Variants in PPP1R12B observed in about 807,000 individuals in gnomAD.
PPP1R12B encodes the protein protein phosphatase 1 regulatory subunit 12B, also known as myosin phosphatase target subunit 2.
A neutral mutation model predicts 126.1 loss-of-function variants in PPP1R12B; 76 were observed. The observed-to-expected ratio is 0.60, with a 90% CI of 0.50 to 0.73. The LOEUF (loss-of-function observed/expected upper bound fraction) is 0.73, where lower values mean the gene tolerates loss of function less well. Ranked by LOEUF, PPP1R12B falls within the 30% of genes least tolerant of loss-of-function variation. The pLI, the probability that PPP1R12B is intolerant of heterozygous loss-of-function variation, is 0.00. For synonymous variants in PPP1R12B, 356 were observed against 434.7 expected (o/e 0.82, Z 2.25); for missense variants, 1,052 against 1,205.1 (o/e 0.87, Z 1.88).
At chr1:202,356,519 T>C (rs1048764015) in intron 1 of PPP1R12B, among the ~76,000 whole-genome samples, 14 of 152,246 alleles carry the variant, frequency 9.2e-5, no homozygotes, top group Middle Eastern at 6.8e-3. Context: ...TAAAAGAGAC[T>C]TTGGGGATAT....
intron 18 of PPP1R12B, among the ~76,000 whole-genome samples, chr1:202,515,128 A>G (rs1681970967): frequency 2.0e-5 from 3 of 152,150 alleles, no homozygotes; most frequent in Non-Finnish European, 4.4e-5. Flanking sequence ...AACAACAGAC[A>G]CTGGGGTCTA....
At chr1:202,450,297 A>G (rs1461045125) in intron 13 of PPP1R12B, among the ~76,000 whole-genome samples, 1 of 152,248 alleles carries the variant, frequency 6.6e-6, no homozygotes, top group African/African-American at 2.4e-5. Flanking sequence ...TTTAGAGAGA[A>G]GTTATGAGAG....
At chr1:202,471,744 T>C (rs1572176257) in intron 13 of PPP1R12B, 1 of 624,072 alleles carries the variant, frequency 1.6e-6, no homozygotes, top group East Asian at 3.0e-5. Context: ...ATGTATTTTG[T>C]TGATTTTGTT....
rs1679455309 is a variant in PPP1R12B at position 202,495,619 on chromosome 1, C to T, written c.2385C>T (p.Ile795=). 1 of 1,613,978 alleles carries T rather than the reference C, an allele frequency of 6.2e-7. No individual in the cohort carries two copies. Among genetic ancestry groups the T allele is most frequent in the Non-Finnish European group, 8.5e-7 (1 of 1,180,014 alleles). Residue 795 remains isoleucine, a synonymous_variant, in exon 17 of 24, where the codon ATC becomes ATT. Transcript: ENST00000608999. The part of the protein sequence containing the change: ...LDEQSSKRLS[I]RERRRPKERR... ...AGCAGTCCTCTAAGAGGCTGTCCATCCGAGAGAGGAGGCGGCCCAAGGAAC... is the reference window on the plus strand; with the variant it reads ...AGCAGTCCTCTAAGAGGCTGTCCATTCGAGAGAGGAGGCGGCCCAAGGAAC...
At chr1:202,525,612 C>CTTTTTTT (rs71142537) in intron 18 of PPP1R12B, among the ~76,000 whole-genome samples, 1 of 120,304 alleles carries the variant, frequency 8.3e-6, no homozygotes, top group African/African-American at 3.2e-5. Context: ...TTTTTTTTTT[C>CTTTTTTT]TTTTTTTTTT....
chr1:202,575,048 A>G, intron 23 of PPP1R12B: 1 of 1,613,470 alleles, frequency 6.2e-7, no homozygotes, highest in East Asian at 2.2e-5. Context: ...CAGATGAACG[A>G]GCAACTGCAG....
chr1:202,569,193 T>C lies in PPP1R12B; in HGVS notation c.2858T>C (p.Met953Thr), dbSNP rs1399399227. ...AAAATGTCAGAAATGGAGGAAGAAA[T>C]GAAGGTATGAAGAGATTTTCTTTCT... ...ERKMSEMEEEMKVLTELKSDN... is the reference protein window; with the variant it reads ...ERKMSEMEEETKVLTELKSDN... The change falls in exon 23 of 24, where the codon ATG (methionine) becomes ACG (threonine). Residue 953 changes from methionine (M) to threonine (T), a missense_variant. Transcript: ENST00000608999. The C allele has an allele frequency of 6.2e-7, 1 of 1,612,714 alleles. No homozygotes were observed. The highest frequency in any genetic ancestry group is 1.3e-5 in the African/African-American group (1 of 74,856).
At chr1:202,371,305 G>A (rs1247143739) in intron 1 of PPP1R12B, among the ~76,000 whole-genome samples, 15 of 151,780 alleles carry the variant, frequency 9.9e-5, no homozygotes, top group Admixed American at 9.9e-4. Flanking sequence ...ACAGGCGTGA[G>A]CCACTGTGCC....
chr1:202,493,678 A>G (rs976585858), intron 15 of PPP1R12B, among the ~76,000 whole-genome samples: 2 of 152,222 alleles, frequency 1.3e-5, no homozygotes, highest in African/African-American at 4.8e-5. Flanking sequence ...TTGTGTATTA[A>G]TGCATTTAAT....
At chr1:202,376,563 T>A (rs1661203648) in intron 1 of PPP1R12B, among the ~76,000 whole-genome samples, 1 of 152,182 alleles carries the variant, frequency 6.6e-6, no homozygotes, top group African/African-American at 2.4e-5. Flanking sequence ...ACAAACTAAA[T>A]TTTAAAAACA....
intron 21 of PPP1R12B, among the ~76,000 whole-genome samples, chr1:202,566,811 T>C (rs537385702): frequency 6.6e-6 from 1 of 152,244 alleles, no homozygotes; most frequent in African/African-American, 2.4e-5. Flanking sequence ...TAATTTTTTT[T>C]TTAAAAAAAG....
rs3077313 is a variant in PPP1R12B, at chr1:202,446,213, A to ACT, written c.1668-2753_1668-2752dup. Among the ~76,000 whole-genome samples the ACT allele has an allele frequency of 9.2e-3, 591 of 64,200 alleles. 5 individuals are homozygous for ACT. Among genetic ancestry groups the ACT allele is most frequent in the South Asian group, 0.029 (33 of 1,120 alleles). 42.1% of individuals were successfully genotyped at this position (64,200 alleles called of 152,430 possible). On this transcript the variant is annotated intron_variant, in intron 12 of 23. Transcript: ENST00000608999. ...GAGGTTATTATTACTATATTATATT[A>ACT]CTCTCTCTCTCTCTCTCTCTCTCTA... is the stretch of plus-strand genomic sequence containing the variant.
At chr1:202,498,649 G>A (rs1164416498) in intron 18 of PPP1R12B, among the ~76,000 whole-genome samples, 1 of 152,186 alleles carries the variant, frequency 6.6e-6, no homozygotes, top group African/African-American at 2.4e-5. Flanking sequence ...CCTGGTCATG[G>A]CCTAGTGTAA....
At chr1:202,418,176 A>G (rs1668327588) in intron 2 of PPP1R12B, among the ~76,000 whole-genome samples, 1 of 152,216 alleles carries the variant, frequency 6.6e-6, no homozygotes, top group Admixed American at 6.5e-5. Flanking sequence ...GAGGGCTCTT[A>G]TTCTTAGTCT....
At chr1:202,429,344 A>G (rs548442295) in intron 6 of PPP1R12B, among the ~76,000 whole-genome samples, 1 of 152,372 alleles carries the variant, frequency 6.6e-6, no homozygotes, top group Non-Finnish European at 1.5e-5. Context: ...ACAGAGAAGA[A>G]TATATTTCTT....
At chr1:202,439,791 C>G (rs1391256855) in intron 10 of PPP1R12B, 4 of 451,428 alleles carry the variant, frequency 8.9e-6, no homozygotes, top group Non-Finnish European at 1.6e-5. Context: ...ACCCACTTTC[C>G]TCCCCACTCC....
rs74136791 is a variant in PPP1R12B at position 202,508,913 on chromosome 1, A to G, written c.2490+12091A>G. Among the ~76,000 whole-genome samples the G allele has an allele frequency of 0.011, 1,709 of 152,330 alleles. 36 individuals are homozygous for G. Among genetic ancestry groups the G allele is most frequent in the African/African-American group, 0.04 (1,645 of 41,558 alleles). On this transcript the variant is annotated intron_variant, in intron 18 of 23. Coordinates refer to ENST00000608999, the MANE Select transcript of PPP1R12B (RefSeq NM_002481.4). The surrounding 1 kb of genome is among the most constrained non-coding windows in gnomAD (Gnocchi z 4.5). ...TTTTATGAAAAGGGCCTGATAGTAAATATTTTCCACTTTACTGGCCACGTA... is the reference window on the plus strand; with the variant it reads ...TTTTATGAAAAGGGCCTGATAGTAAGTATTTTCCACTTTACTGGCCACGTA...
chr1:202,509,621 G>A (rs376770601), intron 18 of PPP1R12B, among the ~76,000 whole-genome samples: 1 of 152,316 alleles, frequency 6.6e-6, no homozygotes, highest in South Asian at 2.1e-4. Flanking sequence ...GTTCTTGGAA[G>A]AGTGCCTGTC....
At chr1:202,543,696 C>T (rs1227216503) in intron 18 of PPP1R12B, among the ~76,000 whole-genome samples, 1 of 152,156 alleles carries the variant, frequency 6.6e-6, no homozygotes, top group Admixed American at 6.5e-5. Context: ...AAGATTGCAC[C>T]ATTGCACTCC....
Sources: allele counts gnomAD v4.1 joint callset (sites outside exome capture counted in the v4.1 genomes callset), GRCh38; gene constraint gnomAD v4.1.1; non-coding constraint Gnocchi (gnomAD v3.1); transcripts MANE v1.5; gene names NCBI Gene and HGNC (gene_info 2026-07-23, HGNC 2026-07-21).